FHIT: variants seen among roughly 807,000 people sequenced by gnomAD.
FHIT encodes the protein bis(5'-adenosyl)-triphosphatase.
FHIT carries 19 observed loss-of-function variants against 17.9 expected under a neutral mutation model. That is an observed-to-expected ratio of 1.06 (90% CI 0.74 to 1.56). The LOEUF (loss-of-function observed/expected upper bound fraction) is 1.56. Ranked by LOEUF, FHIT falls within the 40% of genes most tolerant of loss-of-function variation. The pLI is 0.00. For missense variants in FHIT, 248 were observed against 189.2 expected (o/e 1.31, Z -1.82); for synonymous variants, 81 against 69.7 (o/e 1.16, Z -0.81).
chr3:60,230,095 T>G (rs528343799), intron 5 of FHIT, among the ~76,000 whole-genome samples: 14 of 152,280 alleles, frequency 9.2e-5, no homozygotes, highest in African/African-American at 3.1e-4. Flanking sequence ...TAGCCACATG[T>G]AGCTAAATTT....
chr3:60,534,463 A>AAAAAAAAT (rs71092610), intron 5 of FHIT, among the ~76,000 whole-genome samples: 1 of 76,634 alleles, frequency 1.3e-5, no homozygotes, highest in Non-Finnish European at 2.9e-5. Flanking sequence ...AAAAAAAAAA[A>AAAAAAAAT]GATGCGTCTC....
At chr3:60,103,723 T>C (rs116380723) in intron 5 of FHIT, among the ~76,000 whole-genome samples, 2,817 of 152,300 alleles carry the variant, frequency 0.018, 79 homozygotes, top group African/African-American at 0.064. Context: ...CAGTTAGCCC[T>C]CTGCAATTAT....
chr3:60,071,934 C>T (rs1286602516), intron 5 of FHIT, among the ~76,000 whole-genome samples: 1 of 152,146 alleles, frequency 6.6e-6, no homozygotes, highest in African/African-American at 2.4e-5. Context: ...TAAGACGTTC[C>T]TTTGCTTCTC....
At chr3:60,567,208 T>A (rs2037170493) in intron 4 of FHIT, among the ~76,000 whole-genome samples, 1 of 152,108 alleles carries the variant, frequency 6.6e-6, no homozygotes, top group African/African-American at 2.4e-5. Flanking sequence ...GACTTCGAAC[T>A]ATACTACAAG....
In FHIT at chr3:61,204,362, G is replaced by C. The variant is rs558722075; in HGVS notation, c.-212-3697C>G. On this transcript the variant is annotated intron_variant, in intron 1 of 9. Transcript: ENST00000492590. The stretch of plus-strand genomic sequence containing the variant: ...ATCAGTTTATTATTTTCTTTAAACT[G>C]TATATGTACACTTGCACAAATTATT... Among the ~76,000 whole-genome samples, 9 of 152,212 alleles carry C rather than the reference G, an allele frequency of 5.9e-5. No individual in the cohort carries two copies. The South Asian group carries it at 1.9e-3, about 32-fold the overall frequency.
At chr3:59,857,316 T>A (rs779058948) in intron 8 of FHIT, among the ~76,000 whole-genome samples, 1 of 152,188 alleles carries the variant, frequency 6.6e-6, no homozygotes, top group African/African-American at 2.4e-5. Flanking sequence ...AGATCAGATA[T>A]GTCACCGCAA....
intron 2 of FHIT, among the ~76,000 whole-genome samples, chr3:61,168,038 G>C (rs2037893093): frequency 6.6e-6 from 1 of 152,024 alleles, no homozygotes; most frequent in Non-Finnish European, 1.5e-5. Context: ...GGCCAGACTT[G>C]GACAGCAGCC....
intron 1 of FHIT, among the ~76,000 whole-genome samples, chr3:61,206,394 T>C (rs943003960): frequency 2.7e-5 from 4 of 147,502 alleles, no homozygotes; most frequent in African/African-American, 7.5e-5. Flanking sequence ...ATTGAATCTA[T>C]AAATTACCTT....
intron 4 of FHIT, among the ~76,000 whole-genome samples, chr3:60,540,729 CACAG>C (rs1339869613): frequency 6.6e-6 from 1 of 152,100 alleles, no homozygotes; most frequent in East Asian, 1.9e-4. Context: ...TTCTCAATGA[CACAG>C]AAGACAGAGA....
intron 5 of FHIT, among the ~76,000 whole-genome samples, chr3:60,106,425 CAA>C (rs1269890730): frequency 6.6e-6 from 1 of 152,124 alleles, no homozygotes; most frequent in Non-Finnish European, 1.5e-5. Context: ...CCTCAAACCG[CAA>C]AAGTTTCAAC....
At chr3:60,705,146 T>C (rs2041342079) in intron 4 of FHIT, among the ~76,000 whole-genome samples, 1 of 151,786 alleles carries the variant, frequency 6.6e-6, no homozygotes, top group East Asian at 1.9e-4. Context: ...ATAGCAACAA[T>C]CATACTTTAT....
chr3:60,424,381 AG>A (rs1271797453), intron 5 of FHIT, among the ~76,000 whole-genome samples: 2 of 152,210 alleles, frequency 1.3e-5, no homozygotes, highest in African/African-American at 4.8e-5. Flanking sequence ...TCTTAGATAC[AG>A]GGAGATAAAG....
At chr3:61,075,515 T>C (rs1388051630) in intron 2 of FHIT, among the ~76,000 whole-genome samples, 1 of 151,630 alleles carries the variant, frequency 6.6e-6, no homozygotes, top group Non-Finnish European at 1.5e-5. Flanking sequence ...AGAAACAAAA[T>C]TAAAAAAAGA....
chr3:60,132,439 GA>G (rs1447373393), intron 5 of FHIT, among the ~76,000 whole-genome samples: 1 of 152,094 alleles, frequency 6.6e-6, no homozygotes, highest in Non-Finnish European at 1.5e-5. Flanking sequence ...TAAACCATTT[GA>G]AAAGGGGGGA....
chr3:60,229,165 G>A (rs796112796), intron 5 of FHIT, among the ~76,000 whole-genome samples: 7 of 152,146 alleles, frequency 4.6e-5, no homozygotes, highest in East Asian at 3.9e-4. Flanking sequence ...GCCTGTAATC[G>A]CAGTACTTTG....
chr3:60,248,612 G>C (rs1347099482), intron 5 of FHIT, among the ~76,000 whole-genome samples: 1 of 152,086 alleles, frequency 6.6e-6, no homozygotes, highest in Non-Finnish European at 1.5e-5. Flanking sequence ...TGTCAGGAGG[G>C]AGTAAGAAAA....
intron 5 of FHIT, among the ~76,000 whole-genome samples, chr3:60,382,724 T>C (rs980353703): frequency 6.6e-6 from 1 of 152,186 alleles, no homozygotes; most frequent in Non-Finnish European, 1.5e-5. Flanking sequence ...GTTTTTTGGA[T>C]ACTGTGACTC....
intron 8 of FHIT, among the ~76,000 whole-genome samples, chr3:59,759,949 C>G (rs141803412): frequency 6.7e-6 from 1 of 150,360 alleles, no homozygotes; most frequent in South Asian, 2.2e-4. Context: ...CTTCCCTTCT[C>G]TATCCTGTGA....
At chr3:60,035,802 C>T (rs212066) in intron 5 of FHIT, among the ~76,000 whole-genome samples, 116,998 of 152,146 alleles carry the variant, frequency 0.77, 46,030 homozygotes, top group Middle Eastern at 0.87. Context: ...TCCTCATATG[C>T]CTTAGTTAAT....
Sources: allele counts gnomAD v4.1 joint callset (sites outside exome capture counted in the v4.1 genomes callset), GRCh38; gene constraint gnomAD v4.1.1; transcripts MANE v1.5; gene names NCBI Gene and HGNC (gene_info 2026-07-23, HGNC 2026-07-21).